Variants in CCDC7 observed in about 807,000 individuals in gnomAD.
CCDC7 encodes coiled-coil domain containing 7.
In CCDC7, 183 loss-of-function variants were observed where a neutral mutation model predicts 196.9. That is an observed-to-expected ratio of 0.93 (90% CI 0.82 to 1.05). CCDC7 has a LOEUF of 1.05. CCDC7 is among the 50% of genes least tolerant of loss of function. CCDC7 has a pLI of 0.00. For synonymous variants in CCDC7, 525 were observed against 484.6 expected, an observed-to-expected ratio of 1.08 and a Z score of -1.10; for missense variants, 1,540 against 1,482.2, an observed-to-expected ratio of 1.04 and a Z score of -0.64.
chr10:32,560,516 T>C (rs895923434), intron 13 of CCDC7, among the ~76,000 whole-genome samples: 1 of 152,196 alleles, frequency 6.6e-6, no homozygotes, highest in African/African-American at 2.4e-5. Flanking sequence ...GGGGCCAATA[T>C]TCAACATTCT....
intron 29 of CCDC7, among the ~76,000 whole-genome samples, chr10:32,783,128 A>G (rs779664163): frequency 6.6e-5 from 10 of 152,232 alleles, no homozygotes; most frequent in Non-Finnish European, 1.3e-4. Context: ...TATGACTCCC[A>G]AAGCACAGAC....
Position 32,516,669 on chromosome 10 carries a change from C to T in CCDC7, c.873-1276C>T, listed in dbSNP as rs1442117007. On this transcript the variant is annotated intron_variant, in intron 9 of 41. Transcript: ENST00000639629. ...AGGATGGCTATATTCAAATAGACAA[C>T]GCAATGATTTGTTGGCAAGTATGTA... 4.6e-5 allele frequency among the ~76,000 whole-genome samples: 7 copies of T among 152,082 alleles called. No homozygotes were observed. In the South Asian group the frequency reaches 6.2e-4, roughly 14 times the overall value.
chr10:32,744,576 T>A (rs1485365565), intron 28 of CCDC7, among the ~76,000 whole-genome samples: 1 of 152,224 alleles, frequency 6.6e-6, no homozygotes, highest in Non-Finnish European at 1.5e-5. Flanking sequence ...GACATATATG[T>A]TACACATCTC....
At chr10:32,805,626 A>C (rs1056341499) in intron 30 of CCDC7, among the ~76,000 whole-genome samples, 1 of 152,234 alleles carries the variant, frequency 6.6e-6, no homozygotes, top group Non-Finnish European at 1.5e-5. Context: ...GTGTTAGGCA[A>C]AACACCCTTT....
intron 21 of CCDC7, among the ~76,000 whole-genome samples, chr10:32,684,214 T>TC (rs2141098195): frequency 6.6e-6 from 1 of 152,266 alleles, no homozygotes; most frequent in Admixed American, 6.5e-5. Flanking sequence ...GGGGCCCTTA[T>TC]CCTGGGGCGC....
chr10:32,499,028 A>T (rs1589219819), intron 9 of CCDC7: 2 of 151,550 alleles, frequency 1.3e-5, no homozygotes, highest in Non-Finnish European at 2.9e-5. Flanking sequence ...TACATGAATC[A>T]AATGTAGATT....
At chr10:32,738,047 T>A (rs1932504) in intron 28 of CCDC7, among the ~76,000 whole-genome samples, 2 of 152,056 alleles carry the variant, frequency 1.3e-5, no homozygotes, top group Non-Finnish European at 2.9e-5. Flanking sequence ...TGCTTCAATA[T>A]CAACCGTATT....
At chr10:32,560,659 C>A (rs1255601357) in intron 13 of CCDC7, among the ~76,000 whole-genome samples, 1 of 152,298 alleles carries the variant, frequency 6.6e-6, no homozygotes, top group Non-Finnish European at 1.5e-5. Flanking sequence ...CCTAAAAGAG[C>A]TCCTGAAGGA....
chr10:32,453,459 T>TAG (rs774594776), intron 2 of CCDC7, 23 bp downstream of exon 3: 2 of 1,425,884 alleles, frequency 1.4e-6, no homozygotes, highest in South Asian at 3.5e-5. Context: ...AACCCTAATA[T>TAG]AGAGACATTA....
At chr10:32,524,515 T>C (rs557171440) in intron 11 of CCDC7, among the ~76,000 whole-genome samples, 1 of 152,358 alleles carries the variant, frequency 6.6e-6, no homozygotes, top group South Asian at 2.1e-4. Context: ...GCTAACATCC[T>C]TTCCTTTCAG....
intron 13 of CCDC7, among the ~76,000 whole-genome samples, chr10:32,563,932 A>G (rs1398337900): frequency 2.6e-5 from 4 of 152,168 alleles, no homozygotes; most frequent in Admixed American, 1.3e-4. Context: ...AGAATCTACA[A>G]AGAACTCCAA....
intron 15 of CCDC7, 129 bp downstream of exon 16, chr10:32,568,020 T>TC: frequency 2.9e-6 from 3 of 1,048,912 alleles, no homozygotes; most frequent in Non-Finnish European, 3.9e-6. Flanking sequence ...TTTTTTTTTT[T>TC]TTTTTGAGAT....
At chr10:32,517,794 A>G in intron 9 of CCDC7, 151 bp from the exon 11 acceptor site, 1 of 641,910 alleles carries the variant, frequency 1.6e-6, no homozygotes, top group Non-Finnish European at 2.4e-6. Flanking sequence ...AATAAAAAGA[A>G]AAAGAAAAAG....
At chr10:32,702,354 T>A (rs2078905949) in intron 24 of CCDC7, among the ~76,000 whole-genome samples, 1 of 152,220 alleles carries the variant, frequency 6.6e-6, no homozygotes, top group African/African-American at 2.4e-5. Context: ...TAATCCTGAG[T>A]TCTAGTTTGA....
chr10:32,586,182 G>A (rs1466986500), intron 18 of CCDC7, among the ~76,000 whole-genome samples: 1 of 152,168 alleles, frequency 6.6e-6, no homozygotes, highest in Admixed American at 6.5e-5. Flanking sequence ...CTTTTGAAAA[G>A]TGTCTGTTCA....
At chr10:32,645,543 G>C (rs932407340) in intron 20 of CCDC7, among the ~76,000 whole-genome samples, 2 of 141,244 alleles carry the variant, frequency 1.4e-5, no homozygotes, top group Admixed American at 7.2e-5. Flanking sequence ...GAGTAATGCT[G>C]GCCTTGTAGA....
At chr10:32,576,342 T>G (rs1235978674) in intron 16 of CCDC7, among the ~76,000 whole-genome samples, 1 of 151,744 alleles carries the variant, frequency 6.6e-6, no homozygotes, top group Non-Finnish European at 1.5e-5. Flanking sequence ...CTATTCCTCT[T>G]GAAATGATAT....
intron 20 of CCDC7, among the ~76,000 whole-genome samples, chr10:32,637,151 T>G (rs2065806777): frequency 6.6e-6 from 1 of 152,230 alleles, no homozygotes; most frequent in Non-Finnish European, 1.5e-5. Context: ...ATGAGTAGAT[T>G]GCAAAAGTTT....
At chr10:32,560,543 C>CA (rs766371656) in intron 13 of CCDC7, among the ~76,000 whole-genome samples, 4 of 123,918 alleles carry the variant, frequency 3.2e-5, no homozygotes, top group East Asian at 2.2e-4. Context: ...AAAGAATTTT[C>CA]ACCCAGAATT....
Sources: allele counts gnomAD v4.1 joint callset (sites outside exome capture counted in the v4.1 genomes callset), GRCh38; gene constraint gnomAD v4.1.1; transcripts MANE v1.5; gene names NCBI Gene and HGNC (gene_info 2026-07-23, HGNC 2026-07-21).